EZR: variants seen among roughly 807,000 people sequenced by gnomAD.
EZR encodes cytovillin 2.
A neutral mutation model predicts 74.8 loss-of-function variants in EZR; 40 were observed. That is an observed-to-expected ratio of 0.53 (90% CI 0.42 to 0.70). The LOEUF (loss-of-function observed/expected upper bound fraction) is 0.70, where lower values mean the gene tolerates loss of function less well. Ranked by LOEUF, EZR falls within the 30% of genes least tolerant of loss-of-function variation. EZR has a pLI of 0.00. For synonymous variants in EZR, 341 were observed against 283.3 expected, an observed-to-expected ratio of 1.20 and a Z score of -2.05; for missense variants, 678 against 755.8, an observed-to-expected ratio of 0.90 and a Z score of 1.21.
intron 3 of EZR, chr6:158,788,403 T>C (rs1249523942): frequency 6.6e-6 from 1 of 152,246 alleles, no homozygotes; most frequent in African/African-American, 2.4e-5. Flanking sequence ...TCCCAGCACT[T>C]TGGGAGGCCA....
intron 2 of EZR, among the ~76,000 whole-genome samples, chr6:158,790,978 G>A (rs758442762): frequency 3.3e-5 from 5 of 152,164 alleles, no homozygotes; most frequent in African/African-American, 4.8e-5. Flanking sequence ...CGTATTACCT[G>A]TGCCAGTATA....
Position 158,773,518 on chromosome 6 carries a change from G to A in EZR, c.796-2111C>T, listed in dbSNP as rs1026904464. 4.6e-5 allele frequency among the ~76,000 whole-genome samples: 7 copies of A among 152,334 alleles called. 1 individual carries two copies. The South Asian group carries it at 1.2e-3, about 27-fold the overall frequency. Reference sequence around the variant, plus strand: ...GAGCAGGGTTTTTAAACTGGCCGAGGACCAGCAAGGTAAAAATGCAAACCA... The same window carrying A: ...GAGCAGGGTTTTTAAACTGGCCGAGAACCAGCAAGGTAAAAATGCAAACCA... On this transcript the variant is annotated intron_variant, in intron 8 of 13. Transcript: ENST00000367075.
intron 7 of EZR, among the ~76,000 whole-genome samples, chr6:158,778,646 T>C (rs749980111): frequency 2.0e-4 from 30 of 152,162 alleles, no homozygotes; most frequent in Non-Finnish European, 3.8e-4. Flanking sequence ...ACAGAGGCCT[T>C]TGGAGAAATG....
At position 158,803,600 on chromosome 6, in the gene EZR, T is replaced by TAC. The variant is rs1223354468; in HGVS notation, c.13-14230_13-14229insGT. 2.4e-3 allele frequency among the ~76,000 whole-genome samples: 35 copies of TAC among 14,748 alleles called. 8 individuals are homozygous for TAC. The highest frequency in any genetic ancestry group is 0.01 in the African/African-American group (32 of 3,184). The allele number at this position is 14,748 out of a possible 152,430, so 9.7% of individuals were successfully genotyped here. A position where few individuals can be genotyped will look rare whatever the true frequency, so the allele number is the denominator to read the frequency against. On this transcript the variant is annotated intron_variant, in intron 2 of 13. Transcript: ENST00000367075. ...ATATATACATATATATATATATATA[T>TAC]ATATACATATATATATATATATATA...
intron 7 of EZR, among the ~76,000 whole-genome samples, chr6:158,780,455 G>C (rs1486292419): frequency 6.6e-6 from 1 of 152,160 alleles, no homozygotes; most frequent in Non-Finnish European, 1.5e-5. Flanking sequence ...GAGGGCCAGA[G>C]GGTGACAGTG....
At chr6:158,793,556 A>G (rs920208684) in intron 2 of EZR, among the ~76,000 whole-genome samples, 6 of 152,296 alleles carry the variant, frequency 3.9e-5, no homozygotes, top group Middle Eastern at 3.4e-3. Context: ...TTGATTAGTC[A>G]TTACCCTACT....
chr6:158,801,402 T>C (rs1316192570), intron 2 of EZR, among the ~76,000 whole-genome samples: 2 of 152,134 alleles, frequency 1.3e-5, no homozygotes, highest in Non-Finnish European at 2.9e-5. Context: ...ACAAAAAAAA[T>C]CTGCTTGTCT....
rs1790765913 is a variant in EZR at position 158,765,985 on chromosome 6, G to C, written c.*929C>G. On this transcript the variant is annotated 3_prime_UTR_variant, in exon 14 of 14. Transcript: ENST00000367075. ...TCTGAAAGCTCATAGTGGCATGTGT[G>C]AATCTGACAAAATTAAAAGTGTGCA... The C allele has an allele frequency of 6.6e-6, 1 of 152,536 alleles. No individual in the cohort carries two copies. The highest frequency in any genetic ancestry group is 1.5e-5 in the Non-Finnish European group (1 of 68,030). 9.4% of individuals were successfully genotyped at this position (152,536 alleles called of 1,614,324 possible).
chr6:158,791,706 ATTTTTT>A (rs57581855), intron 2 of EZR, among the ~76,000 whole-genome samples: 1 of 96,262 alleles, frequency 1.0e-5, no homozygotes, highest in Non-Finnish European at 2.0e-5. Flanking sequence ...TTCAGACTCC[ATTTTTT>A]TTTTTTTTTT....
chr6:158,771,155 T>G (rs1791094911), intron 9 of EZR, 89 bp downstream of exon 9: 6 of 1,506,344 alleles, frequency 4.0e-6, no homozygotes, highest in Non-Finnish European at 5.3e-6. Flanking sequence ...ACTCTCCCCA[T>G]CAGCTCCACA....
At chr6:158,792,777 T>C (rs1791778794) in intron 2 of EZR, among the ~76,000 whole-genome samples, 2 of 147,966 alleles carry the variant, frequency 1.4e-5, no homozygotes, top group East Asian at 2.0e-4. Flanking sequence ...ATCGGGCCAC[T>C]GCACTCCAGC....
chr6:158,799,189 C>T (rs1777139379), intron 2 of EZR, among the ~76,000 whole-genome samples: 1 of 152,082 alleles, frequency 6.6e-6, no homozygotes, highest in Non-Finnish European at 1.5e-5. Context: ...TTCACAGGCC[C>T]TCGAGGCGCT....
intron 4 of EZR, 76 bp from the exon 5 acceptor site, chr6:158,785,659 C>A (rs1340707201): frequency 7.0e-6 from 11 of 1,562,296 alleles, no homozygotes; most frequent in African/African-American, 2.7e-5. Context: ...GGCTTCTAAC[C>A]AAGACTCAAT....
intron 2 of EZR, among the ~76,000 whole-genome samples, chr6:158,797,575 A>AC (rs1431022345): frequency 2.0e-5 from 3 of 152,136 alleles, no homozygotes; most frequent in Non-Finnish European, 4.4e-5. Flanking sequence ...CGAAGGTGCC[A>AC]CTTCAGCAAC....
At chr6:158,817,772 C>G (rs1777590359) in intron 2 of EZR, among the ~76,000 whole-genome samples, 1 of 152,258 alleles carries the variant, frequency 6.6e-6, no homozygotes. Context: ...AGTTGTATTA[C>G]TATACCCTTT....
intron 2 of EZR, among the ~76,000 whole-genome samples, chr6:158,807,393 T>C (rs975096912): frequency 1.3e-5 from 2 of 151,098 alleles, no homozygotes; most frequent in African/African-American, 2.4e-5. Context: ...ACAGATGAAG[T>C]AATGGTGCAA....
chr6:158,788,090 A>C (rs1791631399), intron 3 of EZR, among the ~76,000 whole-genome samples: 1 of 152,238 alleles, frequency 6.6e-6, no homozygotes, highest in African/African-American at 2.4e-5. Flanking sequence ...AACTTTAAAA[A>C]ATGCTACCAT....
At chr6:158,818,968 CTT>C (rs1316446322) in intron 1 of EZR, among the ~76,000 whole-genome samples, 1 of 152,130 alleles carries the variant, frequency 6.6e-6, no homozygotes, top group African/African-American at 2.4e-5. Flanking sequence ...GCAAGTTTCA[CTT>C]TGTGTAGCAA....
intron 1 of EZR, among the ~76,000 whole-genome samples, chr6:158,818,889 G>T (rs1777628393): frequency 6.6e-6 from 1 of 152,108 alleles, no homozygotes; most frequent in Admixed American, 6.5e-5. Context: ...TGGAGAGGGG[G>T]CGCGGGCTCG....
Sources: gnomAD v4.1 joint callset for allele counts (sites outside exome capture counted in the v4.1 genomes callset) on GRCh38, gnomAD v4.1.1 for gene constraint, MANE v1.5 for transcripts, NCBI Gene and HGNC (gene_info 2026-07-23, HGNC 2026-07-21) for gene names.